The following C2orf76 variants were observed in gnomAD, a reference collection of about 807,000 sequenced individuals.
The protein encoded by C2orf76 is chromosome 2 open reading frame 76.
In C2orf76, 23 loss-of-function variants were observed where a neutral mutation model predicts 16.9. The observed-to-expected ratio is 1.36, with a 90% CI of 0.98 to 1.93. The LOEUF is 1.93. Ranked by LOEUF, C2orf76 falls within the 30% of genes most tolerant of loss-of-function variation. The probability of loss-of-function intolerance (pLI) is 0.00; values close to 1 mark genes in which losing one functional copy is unlikely to be tolerated. For missense variants in C2orf76, 152 were observed against 152.6 expected, an observed-to-expected ratio of 1.00 and a Z score of 0.02; for synonymous variants, 48 against 52.3, an observed-to-expected ratio of 0.92 and a Z score of 0.35.
intron 4 of C2orf76, among the ~76,000 whole-genome samples, chr2:119,315,825 A>G (rs1277335892): frequency 6.6e-6 from 1 of 152,240 alleles, no homozygotes; most frequent in African/African-American, 2.4e-5. Context: ...AGTGTGAAAC[A>G]TATGTCTTAA....
chr2:119,356,822 C>T (rs967790126), intron 1 of C2orf76, among the ~76,000 whole-genome samples: 1 of 151,608 alleles, frequency 6.6e-6, no homozygotes, highest in Non-Finnish European at 1.5e-5. Context: ...GATATCATTA[C>T]AGGCTCTGCA....
At chr2:119,345,800 G>A (rs917298230) in intron 1 of C2orf76, among the ~76,000 whole-genome samples, 1 of 152,070 alleles carries the variant, frequency 6.6e-6, no homozygotes, top group East Asian at 1.9e-4. Context: ...GGTGGCTCAC[G>A]CCTGTAATCC....
intron 5 of C2orf76, among the ~76,000 whole-genome samples, chr2:119,302,977 T>C (rs1190444299): frequency 6.6e-6 from 1 of 151,812 alleles, no homozygotes; most frequent in Admixed American, 6.6e-5. Context: ...AGCCTGTAGG[T>C]ATAATAATTT....
chr2:119,366,822 C>T lies in C2orf76; in HGVS notation c.-45G>A. The T allele has an allele frequency of 1.7e-6, 1 of 592,648 alleles. No individual in the cohort carries two copies. The highest frequency in any genetic ancestry group is 3.0e-6 in the Non-Finnish European group (1 of 335,880). 36.7% of individuals were successfully genotyped at this position (592,648 alleles called of 1,614,324 possible). A position where few individuals can be genotyped will look rare whatever the true frequency, so the allele number is the denominator to read the frequency against. On this transcript the variant is annotated 5_prime_UTR_variant, in exon 1 of 6. Transcript: ENST00000334816. ...CGGCGTCCCCTTCGGCTACTCCCGG[C>T]GTTTGCGCAAGCGGTCCCACGTGGG...
intron 1 of C2orf76, chr2:119,366,530 T>G (rs1465248076): frequency 1.3e-5 from 6 of 470,904 alleles, no homozygotes; most frequent in Admixed American, 4.7e-5. Flanking sequence ...TCTCCGGGGG[T>G]CTCCTCTAGA....
intron 2 of C2orf76, among the ~76,000 whole-genome samples, chr2:119,321,996 C>A (rs1679359261): frequency 6.6e-6 from 1 of 151,466 alleles, no homozygotes; most frequent in Non-Finnish European, 1.5e-5. Flanking sequence ...AATAACTCCT[C>A]TAACTCCTCA....
intron 1 of C2orf76, among the ~76,000 whole-genome samples, chr2:119,352,400 G>A (rs779779722): frequency 6.6e-6 from 1 of 152,182 alleles, no homozygotes; most frequent in Non-Finnish European, 1.5e-5. Flanking sequence ...GCCTCCACAG[G>A]TAATGAACTG....
At chr2:119,288,749 C>T in the C2orf76 span, among the ~76,000 whole-genome samples, 4 of 152,092 alleles carry the variant, frequency 2.6e-5, no homozygotes, top group Middle Eastern at 3.4e-3. Context: ...AGCCGCAGGC[C>T]TTGCTCAGGC....
the C2orf76 span, among the ~76,000 whole-genome samples, chr2:119,292,360 TTTTG>T: frequency 1.3e-5 from 2 of 151,584 alleles, no homozygotes; most frequent in Admixed American, 1.3e-4. Flanking sequence ...TTGAGTTTTG[TTTTG>T]TTTTTTTTCC....
chr2:119,343,297 A>G (rs1680093323), intron 1 of C2orf76, among the ~76,000 whole-genome samples: 2 of 152,216 alleles, frequency 1.3e-5, no homozygotes, highest in South Asian at 4.1e-4. Context: ...TTAAAATTTA[A>G]AATATACTGA....
At chr2:119,350,702 C>G (rs745404271) in intron 1 of C2orf76, among the ~76,000 whole-genome samples, 3 of 152,164 alleles carry the variant, frequency 2.0e-5, no homozygotes, top group Non-Finnish European at 4.4e-5. Context: ...GGGCCTTCAG[C>G]CTTCAGTCCT....
chr2:119,339,928 C>A lies in C2orf76; in HGVS notation c.32G>T (p.Arg11Leu). MAPGEVTITV[R>L]LIRSFEHRNF... ...GCGATGTTCAAAGGAACGGATGAGG[C>A]GAACTGTGATGGTCACTTCTCCAGG... Residue 11 changes from arginine (R) to leucine (L), a missense_variant, in exon 2 of 6, where the codon CGC becomes CTC. Physicochemically the swap from Arg to Leu is moderately radical, Grantham distance 102. Coordinates refer to ENST00000334816, the MANE Select transcript of C2orf76 (RefSeq NM_001322331.2). 1 of 1,612,512 alleles carries A rather than the reference C, an allele frequency of 6.2e-7. No individual in the cohort carries two copies. The highest frequency in any genetic ancestry group is 8.5e-7 in the Non-Finnish European group (1 of 1,178,666).
At chr2:119,322,058 G>C (rs1366528918) in intron 2 of C2orf76, among the ~76,000 whole-genome samples, 1 of 151,990 alleles carries the variant, frequency 6.6e-6, no homozygotes, top group Non-Finnish European at 1.5e-5. Context: ...CCAAATGCCA[G>C]TACTAATTTT....
intron 3 of C2orf76, among the ~76,000 whole-genome samples, chr2:119,318,686 C>T (rs1374758421): frequency 6.6e-6 from 1 of 152,034 alleles, no homozygotes; most frequent in East Asian, 1.9e-4. Context: ...CCCACCACCA[C>T]ACCTAGCTAA....
At chr2:119,348,962 G>A (rs1348822778) in intron 1 of C2orf76, among the ~76,000 whole-genome samples, 1 of 152,242 alleles carries the variant, frequency 6.6e-6, no homozygotes, top group Admixed American at 6.5e-5. Flanking sequence ...ACTCCAGCCT[G>A]GGAGACAAAG....
In C2orf76 at chr2:119,302,501, A is replaced by T; in HGVS notation, c.352T>A (p.Tyr118Asn). 1 of 1,498,892 alleles carries T rather than the reference A, an allele frequency of 6.7e-7. No homozygotes were observed. The highest frequency in any genetic ancestry group is 9.1e-7 in the Non-Finnish European group (1 of 1,096,150). The allele number at this position is 1,498,892 out of a possible 1,614,324, so 92.8% of individuals were successfully genotyped here. The change falls in exon 6 of 6, where the codon TAC becomes AAC. Residue 118 changes from tyrosine to asparagine, a missense_variant. Coordinates refer to ENST00000334816, the MANE Select transcript of C2orf76 (RefSeq NM_001322331.2). Reference protein sequence around the residue: ...AFFCEEDYKNYKANPISSW With the variant: ...AFFCEEDYKNNKANPISSW ...CAGGATGAAATGGGATTAGCTTTGT[A>T]GTTCTTATAATCTTCTTCACAGAAG...
chr2:119,354,669 G>C (rs558101282), intron 1 of C2orf76, among the ~76,000 whole-genome samples: 1 of 152,158 alleles, frequency 6.6e-6, no homozygotes, highest in South Asian at 2.1e-4. Context: ...TAGAAGAGTT[G>C]GTTAAATCAT....
rs140744804 is a variant in C2orf76, at chr2:119,334,299, G to A, written c.133+5528C>T. ...AAACTATTCTGTACGGCACTGTAAGGGTGGCTACATGACATTACCCATTTG... is the reference window on the plus strand; with the variant it reads ...AAACTATTCTGTACGGCACTGTAAGAGTGGCTACATGACATTACCCATTTG... On this transcript the variant is annotated intron_variant, in intron 2 of 5. Transcript: ENST00000334816. 1.6e-3 allele frequency among the ~76,000 whole-genome samples: 235 copies of A among 146,692 alleles called. 3 individuals carry two copies. The highest frequency in any genetic ancestry group is 5.7e-3 in the African/African-American group (225 of 39,268).
chr2:119,343,981 G>A (rs891501386), intron 1 of C2orf76, among the ~76,000 whole-genome samples: 3 of 152,196 alleles, frequency 2.0e-5, no homozygotes, highest in Admixed American at 6.5e-5. Flanking sequence ...GTAATGAAGC[G>A]AAGGCTGGGC....
Sources: allele counts gnomAD v4.1 joint callset (sites outside exome capture counted in the v4.1 genomes callset), GRCh38; gene constraint gnomAD v4.1.1; transcripts MANE v1.5; gene names NCBI Gene and HGNC (gene_info 2026-07-23, HGNC 2026-07-21).